KCNT1: variants seen among roughly 807,000 people sequenced by gnomAD.
The protein encoded by KCNT1 is potassium sodium-activated channel subfamily T member 1.
Under a neutral mutation model 147.8 loss-of-function variants are expected in KCNT1, and 78 were observed. The ratio of observed to expected loss-of-function variants is 0.53; its 90% CI spans 0.44 to 0.64. The LOEUF is 0.64. Ranked by LOEUF, KCNT1 falls within the 30% of genes least tolerant of loss-of-function variation. The probability of loss-of-function intolerance (pLI) is 0.00; values close to 1 mark genes in which losing one functional copy is unlikely to be tolerated. For synonymous variants in KCNT1, 867 were observed against 748.8 expected (o/e 1.16, Z -2.58); for missense variants, 1,419 against 1,750.3 (o/e 0.81, Z 3.38).
intron 2 of KCNT1, among the ~76,000 whole-genome samples, chr9:135,725,435 G>C (rs529366688): frequency 6.6e-6 from 1 of 152,222 alleles, no homozygotes; most frequent in African/African-American, 2.4e-5. Context: ...AAGCCACGCC[G>C]GGACAGACGC....
Position 135,791,850 on chromosome 9 carries a change from C to T in KCNT1, c.3556C>T (p.Pro1186Ser), listed in dbSNP as rs757312500. 1.2e-6 allele frequency: 2 copies of T among 1,613,966 alleles called. No individual in the cohort carries two copies. The highest frequency in any genetic ancestry group is 2.2e-5 in the South Asian group (2 of 91,060). ...CTCCTACGTCCTCATCAACCCTCCGCCCGACACGAGGCTGGAGCCCAGTGA... is the reference window on the plus strand; with the variant it reads ...CTCCTACGTCCTCATCAACCCTCCGTCCGACACGAGGCTGGAGCCCAGTGA... ...TLSYVLINPP[P>S]DTRLEPSDIV... Residue 1186 changes from proline (P) to serine (S), a missense_variant, in exon 30 of 31, where the codon CCC (proline) becomes TCC (serine). Transcript: ENST00000371757.
At chr9:135,711,782 C>G (rs116003914) in intron 1 of KCNT1, among the ~76,000 whole-genome samples, 1 of 152,194 alleles carries the variant, frequency 6.6e-6, no homozygotes, top group Admixed American at 6.5e-5. Context: ...GGAGGGGGCA[C>G]GCTGGGCGCC....
In KCNT1 at chr9:135,731,323, C is replaced by G. The variant is rs535681069; in HGVS notation, c.254+16603C>G. On this transcript the variant is annotated intron_variant, in intron 2 of 30. Transcript: ENST00000371757. ...CGCCTGGCGTGTCTTCATTTTGGAT[C>G]ACAGTGTCCTGCATACCCACAATGT... is the stretch of plus-strand genomic sequence containing the variant. Among the ~76,000 whole-genome samples, 244 of 152,314 alleles carry G rather than the reference C, an allele frequency of 1.6e-3. 1 individual carries two copies. Among genetic ancestry groups the G allele is most frequent in the African/African-American group, 5.7e-3 (237 of 41,570 alleles).
At chr9:135,723,903 C>T (rs945024083) in intron 2 of KCNT1, among the ~76,000 whole-genome samples, 9 of 152,218 alleles carry the variant, frequency 5.9e-5, no homozygotes, top group African/African-American at 2.2e-4. Context: ...CATGGCTCAG[C>T]GCAGCCCCGT....
In KCNT1 at chr9:135,770,353, A is replaced by G; in HGVS notation, c.1675A>G (p.Asn559Asp). The G allele has an allele frequency of 6.2e-7, 1 of 1,612,970 alleles. No individual in the cohort carries two copies. The highest frequency in any genetic ancestry group is 8.5e-7 in the Non-Finnish European group (1 of 1,179,708). The stretch of plus-strand genomic sequence containing the variant: ...GCGCATGTATGGGCGCTGCTCCGGC[A>G]ACGAGGTGTACCACATCCGCATGGG... The part of the protein sequence containing the change: ...WQRMYGRCSG[N>D]EVYHIRMGDS... The change falls in exon 17 of 31, where the codon AAC (asparagine) becomes GAC (aspartate). Residue 559 changes from asparagine to aspartate, a missense_variant. Around this residue, in one of 5 missense-constraint regions of KCNT1, gnomAD observed 284 missense variants for 292.8 expected, o/e 0.97. Transcript: ENST00000371757.
chr9:135,791,383 G>A (rs1214370883), intron 29 of KCNT1: 2 of 233,150 alleles, frequency 8.6e-6, no homozygotes, highest in East Asian at 1.2e-4. Flanking sequence ...AGGTGAATCT[G>A]CAGGTGTGTG....
intron 13 of KCNT1, among the ~76,000 whole-genome samples, chr9:135,765,968 C>G (rs1832247016): frequency 6.6e-6 from 1 of 151,950 alleles, no homozygotes; most frequent in Admixed American, 6.6e-5. Context: ...TGGGGTGGAC[C>G]ATTCAGGGTG....
intron 19 of KCNT1, among the ~76,000 whole-genome samples, chr9:135,773,739 G>A (rs1039881335): frequency 6.6e-6 from 1 of 152,270 alleles, no homozygotes; most frequent in Non-Finnish European, 1.5e-5. Flanking sequence ...ACACTGTAAT[G>A]ACAGCCCAGC....
chr9:135,791,447 T>G (rs755856219), intron 29 of KCNT1: 6 of 291,056 alleles, frequency 2.1e-5, no homozygotes, highest in Non-Finnish European at 4.0e-5. Flanking sequence ...CGTCCCGGTG[T>G]CTGCAGGCTG....
At chr9:135,788,811 C>T (rs1834270440) in intron 29 of KCNT1, among the ~76,000 whole-genome samples, 1 of 152,316 alleles carries the variant, frequency 6.6e-6, no homozygotes, top group East Asian at 1.9e-4. Context: ...ACATGCTGTG[C>T]CCCGTCAGTG....
At chr9:135,757,425 C>T (rs1484257976) in intron 9 of KCNT1, 44 bp downstream of exon 9, 1 of 1,552,762 alleles carries the variant, frequency 6.4e-7, no homozygotes, top group Non-Finnish European at 8.8e-7. Context: ...GGGGGGCCAC[C>T]CTCAGCCTCA....
At chr9:135,742,658 G>A in intron 2 of KCNT1, 2 of 694,844 alleles carry the variant, frequency 2.9e-6, no homozygotes. Context: ...CAGAGCCCAG[G>A]CTCTCCATCT....
Position 135,720,643 on chromosome 9 carries a change from G to T in KCNT1, c.254+5923G>T, listed in dbSNP as rs568746024. 6.7e-3 allele frequency among the ~76,000 whole-genome samples: 1,015 copies of T among 152,288 alleles called. 7 individuals are homozygous for T. Among genetic ancestry groups the T allele is most frequent in the Non-Finnish European group, 9.0e-3 (614 of 68,000 alleles). On this transcript the variant is annotated intron_variant, in intron 2 of 30. Coordinates refer to ENST00000371757, the MANE Select transcript of KCNT1 (RefSeq NM_020822.3). ...TTGCTCCGCCTCTCTTGGGGCTGGGGGCGGGGGTCCTGCCTGTACCCCCAA... is the reference window on the plus strand; with the variant it reads ...TTGCTCCGCCTCTCTTGGGGCTGGGTGCGGGGGTCCTGCCTGTACCCCCAA...
Position 135,768,248 on chromosome 9 carries a change from G to C in KCNT1, c.1338-362G>C, listed in dbSNP as rs1432722654. 1.3e-3 allele frequency among the ~76,000 whole-genome samples: 53 copies of C among 39,676 alleles called. 9 individuals carry two copies. Among genetic ancestry groups the C allele is most frequent in the African/African-American group, 3.6e-3 (53 of 14,772 alleles). The allele number at this position is 39,676 out of a possible 152,430, so 26.0% of individuals were successfully genotyped here. A position where few individuals can be genotyped will look rare whatever the true frequency, so the allele number is the denominator to read the frequency against. On this transcript the variant is annotated intron_variant, in intron 13 of 30. Coordinates refer to ENST00000371757, the MANE Select transcript of KCNT1 (RefSeq NM_020822.3). ...GAGGCCCAGGATGCCTGCGGGGGGG[G>C]GGGGGGGGGCACTGGGATACCGGTG... is the stretch of plus-strand genomic sequence containing the variant.
At chr9:135,773,028 T>G in intron 19 of KCNT1, 79 bp downstream of exon 19, 1 of 1,000,058 alleles carries the variant, frequency 1.0e-6, no homozygotes, top group South Asian at 2.0e-5. Context: ...CGGAGCATCC[T>G]TGGTGGTCCC....
chr9:135,781,708 C>T (rs1351405152), intron 24 of KCNT1, among the ~76,000 whole-genome samples: 1 of 151,692 alleles, frequency 6.6e-6, no homozygotes, highest in Non-Finnish European at 1.5e-5. Context: ...CATCCAGGCC[C>T]AGTGGAAGGA....
chr9:135,755,078 G>A, intron 5 of KCNT1, 43 bp from the exon 6 acceptor site: 1 of 1,565,970 alleles, frequency 6.4e-7, no homozygotes. Context: ...GGGGACACTA[G>A]TGGCTGTGGT....
chr9:135,786,989 T>C (rs1247656172), intron 29 of KCNT1, among the ~76,000 whole-genome samples: 1 of 152,186 alleles, frequency 6.6e-6, no homozygotes, highest in African/African-American at 2.4e-5. Flanking sequence ...CCAGGCCTGC[T>C]GGACAGCGGA....
rs1834668105 is a variant in KCNT1, at chr9:135,793,182, C to G, written c.*1021C>G. On this transcript the variant is annotated 3_prime_UTR_variant, in exon 31 of 31. Coordinates refer to ENST00000371757, the MANE Select transcript of KCNT1 (RefSeq NM_020822.3). The stretch of plus-strand genomic sequence containing the variant: ...TCGCCCTGCTCGTGTTTCCAAGGCT[C>G]TCACCCCTCCCAGCCACCCCACTTT... The G allele has an allele frequency of 6.6e-6, 1 of 152,372 alleles. No individual in the cohort carries two copies. Among genetic ancestry groups the G allele is most frequent in the South Asian group, 2.1e-4 (1 of 4,826 alleles). The allele number at this position is 152,372 out of a possible 1,614,324, so 9.4% of individuals were successfully genotyped here.
Sources: allele counts gnomAD v4.1 joint callset (sites outside exome capture counted in the v4.1 genomes callset), GRCh38; gene constraint gnomAD v4.1.1; regional missense constraint gnomAD v4.1.1; transcripts MANE v1.5; gene names NCBI Gene and HGNC (gene_info 2026-07-23, HGNC 2026-07-21).